The following PCGF6 variants were observed in gnomAD, a reference collection of about 807,000 sequenced individuals.
The protein encoded by PCGF6 is polycomb group RING finger protein 6.
Under a neutral mutation model 45.5 loss-of-function variants are expected in PCGF6, and 24 were observed. The ratio of observed to expected loss-of-function variants is 0.53; its 90% CI spans 0.38 to 0.74. The LOEUF (loss-of-function observed/expected upper bound fraction) is 0.74. PCGF6 is among the 30% of genes least tolerant of loss of function. The pLI is 0.00. For missense variants in PCGF6, 356 were observed against 443.2 expected, an observed-to-expected ratio of 0.80 and a Z score of 1.77; for synonymous variants, 152 against 162.1, an observed-to-expected ratio of 0.94 and a Z score of 0.47.
Position 103,351,110 on chromosome 10 carries a change from G to A in PCGF6, c.-44C>T, listed in dbSNP as rs1390403886. On this transcript the variant is annotated 5_prime_UTR_variant, in exon 1 of 10. Transcript: ENST00000369847. ...GCGAGGCGAGGCGGCGGGAGAGCGCGGGAGTTCGGCCGGCCTCGGACGCCA... is the reference window on the plus strand; with the variant it reads ...GCGAGGCGAGGCGGCGGGAGAGCGCAGGAGTTCGGCCGGCCTCGGACGCCA... 7.5e-7 allele frequency: 1 copy of A among 1,337,134 alleles called. No individual in the cohort carries two copies. The highest frequency in any genetic ancestry group is 9.6e-7 in the Non-Finnish European group (1 of 1,043,762). 82.8% of individuals were successfully genotyped at this position (1,337,134 alleles called of 1,614,324 possible).
chr10:103,309,636 T>C (rs1260101292), intron 9 of PCGF6, among the ~76,000 whole-genome samples: 1 of 152,134 alleles, frequency 6.6e-6, no homozygotes, highest in Non-Finnish European at 1.5e-5. Context: ...AAACTGCTAT[T>C]TTAAGAAACA....
At chr10:103,309,856 C>A (rs1189665001) in intron 9 of PCGF6, among the ~76,000 whole-genome samples, 2 of 152,050 alleles carry the variant, frequency 1.3e-5, no homozygotes, top group African/African-American at 4.8e-5. Flanking sequence ...GGGAAGAGAT[C>A]AATTGAGCCC....
At chr10:103,326,443 A>G (rs2093218928) in intron 8 of PCGF6, 91 bp downstream of exon 8, 6 of 781,684 alleles carry the variant, frequency 7.7e-6, no homozygotes, top group Non-Finnish European at 1.2e-5. Context: ...AATAACAAAA[A>G]TAATTGCATG....
chr10:103,331,439 A>G (rs1003557189), intron 7 of PCGF6, among the ~76,000 whole-genome samples: 1 of 151,590 alleles, frequency 6.6e-6, no homozygotes, highest in Non-Finnish European at 1.5e-5. Context: ...TGTATTTTTA[A>G]TAGAGATAGA....
In PCGF6 at chr10:103,335,811, C is replaced by T. The variant is rs1292020446; in HGVS notation, c.783-1859G>A. Among the ~76,000 whole-genome samples, 4 of 151,794 alleles carry T rather than the reference C, an allele frequency of 2.6e-5. No homozygotes were observed. In the East Asian group the frequency reaches 7.8e-4, roughly 29 times the overall value. On this transcript the variant is annotated intron_variant, in intron 6 of 9. Coordinates refer to ENST00000369847, the MANE Select transcript of PCGF6 (RefSeq NM_001011663.2). ...TGAAACCCCGTCTCTCCTAAAAATA[C>T]AAAAAATTAGCTGGGTGTGGTGGCG...
intron 6 of PCGF6, among the ~76,000 whole-genome samples, chr10:103,338,884 T>C (rs979735663): frequency 2.8e-4 from 43 of 151,074 alleles, no homozygotes; most frequent in African/African-American, 9.5e-4. Context: ...AAAAAAAAAA[T>C]GCATACCCAA....
At chr10:103,318,959 C>CCT (rs1281325853) in intron 8 of PCGF6, among the ~76,000 whole-genome samples, 1 of 152,092 alleles carries the variant, frequency 6.6e-6, no homozygotes, top group Non-Finnish European at 1.5e-5. Flanking sequence ...AATATCTTAC[C>CCT]CTCTGGAGTA....
At chr10:103,315,994 G>GTGTATATA (rs1479276491) in intron 8 of PCGF6, among the ~76,000 whole-genome samples, 2 of 131,922 alleles carry the variant, frequency 1.5e-5, no homozygotes, top group South Asian at 2.5e-4. Context: ...GTGTGTGTGT[G>GTGTATATA]TATATATATA....
chr10:103,310,942 C>T (rs1254371480), intron 9 of PCGF6, among the ~76,000 whole-genome samples: 1 of 152,012 alleles, frequency 6.6e-6, no homozygotes, highest in Non-Finnish European at 1.5e-5. Context: ...CTCAAACAAT[C>T]CCTCTGCCTC....
intron 8 of PCGF6, among the ~76,000 whole-genome samples, chr10:103,316,697 A>C (rs1274228107): frequency 6.6e-6 from 1 of 152,152 alleles, no homozygotes; most frequent in African/African-American, 2.4e-5. Flanking sequence ...TCTCTGTTAT[A>C]TCTCTTCAAT....
At position 103,345,037 on chromosome 10, in the gene PCGF6, GTAA is replaced by G; in HGVS notation, c.766_768del (p.Leu257del). The G allele has an allele frequency of 6.3e-7, 1 of 1,599,812 alleles. No homozygotes were observed. The highest frequency in any genetic ancestry group is 8.5e-7 in the Non-Finnish European group (1 of 1,170,476). On this transcript the variant is annotated inframe_deletion, in exon 6 of 10. Coordinates refer to ENST00000369847, the MANE Select transcript of PCGF6 (RefSeq NM_001011663.2). Reference sequence around the variant, plus strand: ...TAGGGTACTCACCCAATGAACTCCAGTAATAAAGACATATCAAGTTCAGGTGGA... The same window carrying G: ...TAGGGTACTCACCCAATGAACTCCAGTAAAGACATATCAAGTTCAGGTGGA...
chr10:103,337,873 G>A (rs2093263185), intron 6 of PCGF6, among the ~76,000 whole-genome samples: 1 of 110,600 alleles, frequency 9.0e-6, no homozygotes. Context: ...GACCATCCCG[G>A]CTAAAACGGC....
chr10:103,304,040 CT>C (rs899784202), intron 9 of PCGF6, 79 bp from the exon 10 acceptor site: 69 of 1,186,222 alleles, frequency 5.8e-5, no homozygotes, highest in African/African-American at 1.4e-4. Flanking sequence ...AGCTGGCTTA[CT>C]TTTTTTTAAT....
chr10:103,320,398 A>T (rs1466351449), intron 8 of PCGF6, among the ~76,000 whole-genome samples: 1 of 152,150 alleles, frequency 6.6e-6, no homozygotes, highest in Non-Finnish European at 1.5e-5. Context: ...TCTTAAGAAC[A>T]CATGATGGCC....
intron 1 of PCGF6, among the ~76,000 whole-genome samples, chr10:103,349,479 G>GT (rs11450842): frequency 0.79 from 84,524 of 107,242 alleles, 34,862 homozygotes; most frequent in South Asian, 0.91. Flanking sequence ...CTTTCTTTCC[G>GT]TTTTTTTTTT....
intron 9 of PCGF6, among the ~76,000 whole-genome samples, chr10:103,307,432 A>G (rs1164064749): frequency 6.6e-6 from 1 of 152,134 alleles, no homozygotes; most frequent in African/African-American, 2.4e-5. Context: ...ACAAGACCAC[A>G]CAGCAAGACC....
chr10:103,342,661 T>C (rs2093285112), intron 6 of PCGF6, among the ~76,000 whole-genome samples: 1 of 152,220 alleles, frequency 6.6e-6, no homozygotes, highest in South Asian at 2.1e-4. Flanking sequence ...CTTGCCTTTC[T>C]GCACCTTGCT....
chr10:103,310,607 G>A (rs2093153761), intron 9 of PCGF6, among the ~76,000 whole-genome samples: 1 of 151,988 alleles, frequency 6.6e-6, no homozygotes, highest in Admixed American at 6.6e-5. Context: ...AAGAAAAAAA[G>A]ATAATTCTTA....
intron 9 of PCGF6, among the ~76,000 whole-genome samples, chr10:103,305,863 C>T (rs1012315846): frequency 8.2e-5 from 12 of 146,218 alleles, no homozygotes; most frequent in Non-Finnish European, 1.6e-4. Context: ...GCCTGGGCAA[C>T]ATGGTGAAAC....
Sources: allele counts gnomAD v4.1 joint callset (sites outside exome capture counted in the v4.1 genomes callset), GRCh38; gene constraint gnomAD v4.1.1; transcripts MANE v1.5; gene names NCBI Gene and HGNC (gene_info 2026-07-23, HGNC 2026-07-21).